Variants in CRLF2 observed in about 807,000 individuals in gnomAD.
CRLF2 encodes the protein cytokine receptor-like factor 2.
CRLF2 carries 41 observed loss-of-function variants against 38.7 expected under a neutral mutation model. The ratio of observed to expected loss-of-function variants is 1.06; its 90% CI spans 0.83 to 1.37. The LOEUF (loss-of-function observed/expected upper bound fraction) is 1.37, where lower values mean the gene tolerates loss of function less well. CRLF2 is among the 40% of genes most tolerant of loss of function. CRLF2 has a pLI of 0.00. For missense variants in CRLF2, 377 were observed against 322.2 expected (o/e 1.17, Z -1.30); for synonymous variants, 140 against 128.8 (o/e 1.09, Z -0.59).
In CRLF2 at chrX:1,193,266, C is replaced by T. The variant is rs1312687195; in HGVS notation, c.804G>A (p.Pro268=). 6.3e-5 allele frequency: 25 copies of T among 398,420 alleles called. No individual in the cohort carries two copies. Among genetic ancestry groups the T allele is most frequent in the African/African-American group, 1.9e-4 (9 of 48,586 alleles). 24.7% of individuals were successfully genotyped at this position (398,420 alleles called of 1,614,324 possible). The change falls in exon 7 of 8, where the codon CCG becomes CCA. Residue 268 remains proline, a synonymous_variant. Transcript: ENST00000400841. ...CAAAGAGCCCGGGGAAGATGGATTT[C>T]GGGTCTGGCACGCTGGGAATGAGAA... ...KKFLIPSVPD[P]KSIFPGLFEI...
Position 1,190,713 on chromosome X carries a change from G to C in CRLF2, c.*184C>G, listed in dbSNP as rs1481166610. On this transcript the variant is annotated 3_prime_UTR_variant, in exon 8 of 8. Coordinates refer to ENST00000400841, the MANE Select transcript of CRLF2 (RefSeq NM_022148.4). The stretch of plus-strand genomic sequence containing the variant: ...AGCCTTTGAACACAGAGACTCATGT[G>C]GGGGAAAGTTAGCAGGGCAGTGGCC... The C allele has an allele frequency of 1.5e-5, 6 of 397,728 alleles. No individual in the cohort carries two copies. The highest frequency in any genetic ancestry group is 4.4e-5 in the Admixed American group (1 of 22,738). The allele number at this position is 397,728 out of a possible 1,614,324, so 24.6% of individuals were successfully genotyped here.
At chrX:1,191,623 C>G (rs1172859630) in intron 7 of CRLF2, among the ~76,000 whole-genome samples, 37 of 151,466 alleles carry the variant, frequency 2.4e-4, no homozygotes, top group Non-Finnish European at 4.6e-4. Flanking sequence ...CCTCCGCCTA[C>G]CCGGTTCAAG....
chrX:1,198,842 G>A lies in CRLF2; in HGVS notation c.484-118C>T, dbSNP rs765168320. 138 of 1,027,494 alleles carry A rather than the reference G, an allele frequency of 1.3e-4. 2 individuals carry two copies. The Middle Eastern group carries it at 3.5e-3, about 26-fold the overall frequency. The allele number at this position is 1,027,494 out of a possible 1,614,324, so 63.6% of individuals were successfully genotyped here. A position where few individuals can be genotyped will look rare whatever the true frequency, so the allele number is the denominator to read the frequency against. ...TTCCTTCCGGAGGGTTCACAGTCTC[G>A]CTGACTTCAAGAATGGAGCCGCGAG... On this transcript the variant is annotated intron_variant, in intron 4 of 7. Coordinates refer to ENST00000400841, the MANE Select transcript of CRLF2 (RefSeq NM_022148.4).
At chrX:1,193,938 G>A (rs1203812375) in intron 6 of CRLF2, among the ~76,000 whole-genome samples, 3 of 151,780 alleles carry the variant, frequency 2.0e-5, no homozygotes, top group East Asian at 1.9e-4. Flanking sequence ...TCCAGCTGGG[G>A]CAACAGAGCG....
chrX:1,211,357 G>GTGGATGGGTGGATGGATGGA (rs1556426307), intron 1 of CRLF2, among the ~76,000 whole-genome samples: 1 of 46,532 alleles, frequency 2.1e-5, no homozygotes, highest in Non-Finnish European at 4.1e-5. Context: ...GGGTGGATGG[G>GTGGATGGGTGGATGGATGGA]TGGATGGATG....
intron 4 of CRLF2, among the ~76,000 whole-genome samples, chrX:1,200,042 T>A (rs1354791320): frequency 7.0e-6 from 1 of 143,544 alleles, no homozygotes; most frequent in East Asian, 2.1e-4. Flanking sequence ...TATGTGTGTG[T>A]ATATATGTGT....
rs2086825703 is a variant in CRLF2, at chrX:1,212,614, C to T, written c.21G>A (p.Leu7=). The T allele has an allele frequency of 1.2e-6, 2 of 1,612,684 alleles. No individual in the cohort carries two copies. The highest frequency in any genetic ancestry group is 8.5e-7 in the Non-Finnish European group (1 of 1,179,166). The change falls in exon 1 of 8, where the codon CTG becomes CTA. Residue 7 remains leucine, a synonymous_variant. Transcript: ENST00000400841. The part of the protein sequence containing the change: MGRLVL[L]WGAAVFLLGG... ...CCAGCAGAAAGACGGCAGCTCCCCA[C>T]AGCAGAACCAGCCGCCCCATGCCTG... is the stretch of plus-strand genomic sequence containing the variant.
intron 4 of CRLF2, among the ~76,000 whole-genome samples, 175 bp downstream of exon 4, chrX:1,202,227 A>G (rs1367530443): frequency 6.6e-6 from 1 of 152,084 alleles, no homozygotes; most frequent in Non-Finnish European, 1.5e-5. Flanking sequence ...AGAGACACAG[A>G]GAGAAACATG....
At chrX:1,197,034 T>C in intron 5 of CRLF2, 134 bp from the exon 6 acceptor site, 2 of 712,230 alleles carry the variant, frequency 2.8e-6, no homozygotes, top group Non-Finnish European at 4.4e-6. Flanking sequence ...TTGGTTCTCG[T>C]TGTTTGTTTT....
intron 6 of CRLF2, among the ~76,000 whole-genome samples, chrX:1,194,518 T>C (rs1405915783): frequency 3.2e-4 from 48 of 152,198 alleles, no homozygotes; most frequent in Non-Finnish European, 6.5e-4. Flanking sequence ...CCACGTCCTG[T>C]GCACACAGCA....
chrX:1,209,294 TTGTAGTGTAGTGTAGTGTAGTGTAG>T (rs774118469), intron 1 of CRLF2, among the ~76,000 whole-genome samples: 6 of 142,524 alleles, frequency 4.2e-5, no homozygotes, highest in South Asian at 2.3e-4. Flanking sequence ...TTGCATTGTA[TTGTAGTGTAGTGTAGTGTAGTGTAG>T]TGTAGTGTAG....
chrX:1,198,593 C>T lies in CRLF2; in HGVS notation c.615G>A (p.Glu205=), dbSNP rs770525990. 1 of 1,613,726 alleles carries T rather than the reference C, an allele frequency of 6.2e-7. No individual in the cohort carries two copies. Among genetic ancestry groups the T allele is most frequent in the African/African-American group, 1.3e-5 (1 of 75,024 alleles). The change falls in exon 5 of 8, where the codon GAG becomes GAA. Residue 205 remains glutamate, a synonymous_variant. Transcript: ENST00000400841. ...GPDTYPSDWS[E]VTCWQRGEIR... is the part of the protein sequence containing the mutation. The stretch of plus-strand genomic sequence containing the variant: ...TCTCGCCTCTCTGCCAGCATGTCAC[C>T]TCTGACCAGTCGCTTGGGTATGTGT...
At chrX:1,209,868 G>A (rs1164479675) in intron 1 of CRLF2, among the ~76,000 whole-genome samples, 14 of 151,834 alleles carry the variant, frequency 9.2e-5, no homozygotes, top group Non-Finnish European at 1.3e-4. Flanking sequence ...CTGGGAGGCC[G>A]AGGCGGGTGG....
intron 6 of CRLF2, among the ~76,000 whole-genome samples, chrX:1,194,389 G>A (rs2086444324): frequency 2.6e-5 from 4 of 152,110 alleles, no homozygotes; most frequent in African/African-American, 9.7e-5. Context: ...TTGAGCCTGG[G>A]AGGTGGAGTT....
intron 5 of CRLF2, 110 bp from the exon 6 acceptor site, chrX:1,197,010 T>C: frequency 1.1e-6 from 1 of 941,192 alleles, no homozygotes; most frequent in Non-Finnish European, 1.5e-6. Context: ...TTTTTTGGTG[T>C]TCGTTTTTTT....
intron 7 of CRLF2, among the ~76,000 whole-genome samples, chrX:1,192,776 CCT>C (rs2086416204): frequency 1.5e-5 from 2 of 131,496 alleles, no homozygotes; most frequent in Non-Finnish European, 3.1e-5. Context: ...TTCCTTCCTT[CCT>C]CTCTCCCCCT....
intron 3 of CRLF2, among the ~76,000 whole-genome samples, chrX:1,204,314 C>T (rs1356830649): frequency 1.3e-5 from 2 of 151,918 alleles, no homozygotes; most frequent in Non-Finnish European, 2.9e-5. Flanking sequence ...CCACAAACTC[C>T]GCCTCCCAGA....
intron 3 of CRLF2, among the ~76,000 whole-genome samples, chrX:1,203,215 C>T (rs1398178888): frequency 6.7e-6 from 1 of 150,254 alleles, no homozygotes; most frequent in Non-Finnish European, 1.5e-5. Context: ...AATCCAATGA[C>T]AGGTGTCCTT....
chrX:1,204,372 G>T (rs1471095819), intron 3 of CRLF2, among the ~76,000 whole-genome samples: 1 of 151,744 alleles, frequency 6.6e-6, no homozygotes, highest in Non-Finnish European at 1.5e-5. Context: ...GGGATTACAG[G>T]CATGCACCAC....
Sources: gnomAD v4.1 joint callset for allele counts (sites outside exome capture counted in the v4.1 genomes callset) on GRCh38, gnomAD v4.1.1 for gene constraint, MANE v1.5 for transcripts, NCBI Gene and HGNC (gene_info 2026-07-23, HGNC 2026-07-21) for gene names.